TOGARAM1: variants seen among roughly 807,000 people sequenced by gnomAD.
TOGARAM1 encodes TOG array regulator of axonemal microtubules 1, also known as TOG array regulator of axonemal microtubules protein 1.
A neutral mutation model predicts 166.6 loss-of-function variants in TOGARAM1; 100 were observed. That is an observed-to-expected ratio of 0.60 (90% CI 0.51 to 0.71). The LOEUF is 0.71. Among genes scored for constraint, TOGARAM1 ranks in the 30% least tolerant of loss-of-function variants. The probability of loss-of-function intolerance (pLI) is 0.00; values close to 1 mark genes in which losing one functional copy is unlikely to be tolerated. For missense variants in TOGARAM1, 2,029 were observed against 2,102.7 expected (o/e 0.96, Z 0.69); for synonymous variants, 758 against 763.8 (o/e 0.99, Z 0.13).
chr14:44,989,581 A>T (rs1043169577), intron 1 of TOGARAM1, among the ~76,000 whole-genome samples: 8 of 152,002 alleles, frequency 5.3e-5, no homozygotes, highest in African/African-American at 1.7e-4. Context: ...GTCCATTCTC[A>T]TACTACTATA....
chr14:45,030,740 T>C (rs1370251579), intron 10 of TOGARAM1, among the ~76,000 whole-genome samples: 4 of 152,168 alleles, frequency 2.6e-5, no homozygotes, highest in Non-Finnish European at 5.9e-5. Context: ...TTTTGTTAGA[T>C]ATATGATGAA....
intron 1 of TOGARAM1, among the ~76,000 whole-genome samples, chr14:44,966,412 G>A (rs556555855): frequency 2.0e-5 from 3 of 152,106 alleles, no homozygotes; most frequent in African/African-American, 7.2e-5. Flanking sequence ...AGCAGAGGTT[G>A]CAGTGAGCTG....
In TOGARAM1 at chr14:44,964,435, A is replaced by G. The variant is rs943213358; in HGVS notation, c.2014A>G (p.Asn672Asp). The G allele has an allele frequency of 1.3e-6, 2 of 1,598,548 alleles. No individual in the cohort carries two copies. Among genetic ancestry groups the G allele is most frequent in the Non-Finnish European group, 1.7e-6 (2 of 1,171,666 alleles). ...ENEQPGIMGE[N>D]QTSTSKDIEQ... ...TGAGCAACCTGGAATCATGGGAGAAAACCAGACCTCCACTTCCAAGGATAT... is the reference window on the plus strand; with the variant it reads ...TGAGCAACCTGGAATCATGGGAGAAGACCAGACCTCCACTTCCAAGGATAT... Residue 672 changes from asparagine to aspartate, a missense_variant, in exon 1 of 20, where the codon AAC (asparagine) becomes GAC (aspartate). Asn to Asp is a conservative substitution (Grantham distance 23). This residue lies in a region of TOGARAM1 where 1,453 missense variants were observed against 1,432.2 expected (regional missense o/e 1.01). Transcript: ENST00000361462.
intron 3 of TOGARAM1, among the ~76,000 whole-genome samples, chr14:45,003,713 G>T (rs962897347): frequency 1.5e-5 from 2 of 130,814 alleles, no homozygotes; most frequent in East Asian, 5.0e-4. Context: ...TTCTAGAGAG[G>T]ATCATTGTAA....
intron 11 of TOGARAM1, among the ~76,000 whole-genome samples, chr14:45,035,960 AAAAG>A (rs1417468219): frequency 1.3e-5 from 2 of 150,520 alleles, no homozygotes; most frequent in African/African-American, 2.4e-5. Flanking sequence ...AAAAAAAAAA[AAAAG>A]AAAGAAAAAA....
At chr14:44,991,922 A>G (rs954457277) in intron 1 of TOGARAM1, among the ~76,000 whole-genome samples, 2 of 151,580 alleles carry the variant, frequency 1.3e-5, no homozygotes, top group Admixed American at 6.6e-5. Flanking sequence ...ATTTTTTACA[A>G]TAAGCAATTA....
At chr14:45,035,265 C>CAGG (rs957965766) in intron 11 of TOGARAM1, among the ~76,000 whole-genome samples, 1 of 151,850 alleles carries the variant, frequency 6.6e-6, no homozygotes, top group Non-Finnish European at 1.5e-5. Flanking sequence ...GCGACTGGGG[C>CAGG]AGGAGAATCG....
Position 45,051,211 on chromosome 14 carries a change from C to T in TOGARAM1, c.4314-1225C>T, listed in dbSNP as rs182643530. On this transcript the variant is annotated intron_variant, in intron 14 of 19. Transcript: ENST00000361462. ...ATTAACATATCAGTCACAATTTTATCAACTAACCTTGGGTGTATTTTAGGT... is the reference window on the plus strand; with the variant it reads ...ATTAACATATCAGTCACAATTTTATTAACTAACCTTGGGTGTATTTTAGGT... 1.2e-4 allele frequency among the ~76,000 whole-genome samples: 19 copies of T among 152,252 alleles called. No individual in the cohort carries two copies. In the East Asian group the frequency reaches 3.5e-3, roughly 28 times the overall value.
At chr14:45,029,508 AT>A (rs1881040369) in intron 10 of TOGARAM1, among the ~76,000 whole-genome samples, 1 of 152,144 alleles carries the variant, frequency 6.6e-6, no homozygotes, top group Non-Finnish European at 1.5e-5. Context: ...TGCTTACACA[AT>A]TATTATCTTG....
chr14:45,027,584 C>G (rs1281910724), intron 9 of TOGARAM1, 110 bp downstream of exon 9: 2 of 879,116 alleles, frequency 2.3e-6, no homozygotes, highest in Non-Finnish European at 3.2e-6. Context: ...TTTAAAAAAT[C>G]TTAGTACAGT....
At chr14:44,967,848 T>C (rs1222021870) in intron 1 of TOGARAM1, among the ~76,000 whole-genome samples, 3 of 152,228 alleles carry the variant, frequency 2.0e-5, no homozygotes, top group African/African-American at 7.2e-5. Context: ...GTAGATTTTT[T>C]TGGAAATAAT....
intron 1 of TOGARAM1, among the ~76,000 whole-genome samples, chr14:44,994,571 AC>A (rs1164259210): frequency 2.6e-5 from 4 of 152,108 alleles, no homozygotes; most frequent in Non-Finnish European, 5.9e-5. Context: ...GGCACATGCC[AC>A]CATGCCTGGC....
intron 1 of TOGARAM1, among the ~76,000 whole-genome samples, chr14:44,966,772 A>G (rs2138712887): frequency 6.6e-6 from 1 of 152,164 alleles, no homozygotes; most frequent in Admixed American, 6.5e-5. Context: ...TGGGCAACAT[A>G]GTGAGATCCC....
intron 11 of TOGARAM1, among the ~76,000 whole-genome samples, chr14:45,039,317 G>A (rs1881601668): frequency 6.6e-6 from 1 of 152,146 alleles, no homozygotes; most frequent in South Asian, 2.1e-4. Flanking sequence ...GGGCAGGCCT[G>A]GAAAAAGCAC....
At chr14:45,037,245 G>A (rs1881482060) in intron 11 of TOGARAM1, among the ~76,000 whole-genome samples, 1 of 152,240 alleles carries the variant, frequency 6.6e-6, no homozygotes, top group African/African-American at 2.4e-5. Context: ...GTCAGGAGGA[G>A]AATCTCTGCT....
In TOGARAM1 at chr14:44,999,489, A is replaced by C. The variant is rs187083548; in HGVS notation, c.2330A>C (p.Gln777Pro). 2.5e-6 allele frequency: 4 copies of C among 1,603,054 alleles called. No individual in the cohort carries two copies. The African/African-American group carries it at 5.4e-5, about 21-fold the overall frequency. Residue 777 changes from glutamine to proline, a missense_variant, in exon 3 of 20, where the codon CAA becomes CCA. Around this residue, in one of 2 missense-constraint regions of TOGARAM1, gnomAD observed 1,453 missense variants for 1,432.2 expected, o/e 1.01. Coordinates refer to ENST00000361462, the MANE Select transcript of TOGARAM1 (RefSeq NM_001308120.2). ...TTCCTAGGGACAACTAGCAGTCATC[A>C]AGAAAAAGGTATAAGTTCCAAATTT... ...LQFLGTTSSH[Q>P]EKVYASLNFG...
At chr14:45,053,261 G>A (rs1028769574) in intron 15 of TOGARAM1, among the ~76,000 whole-genome samples, 1 of 151,818 alleles carries the variant, frequency 6.6e-6, no homozygotes, top group Non-Finnish European at 1.5e-5. Flanking sequence ...GGCTTGTCTT[G>A]AACTCCTGAC....
intron 6 of TOGARAM1, 188 bp from the exon 7 acceptor site, chr14:45,011,784 TATG>T: frequency 2.3e-6 from 1 of 441,060 alleles, no homozygotes; most frequent in Admixed American, 4.0e-5. Flanking sequence ...GCAAAATATA[TATG>T]TGTGTGTGTG....
chr14:45,006,635 A>G (rs1320335757), intron 5 of TOGARAM1: 1 of 156,492 alleles, frequency 6.4e-6, no homozygotes, highest in African/African-American at 2.4e-5. Context: ...AACATAGCAT[A>G]GTTCTCTCCC....
Sources: gnomAD v4.1 joint callset for allele counts (sites outside exome capture counted in the v4.1 genomes callset) on GRCh38, gnomAD v4.1.1 for gene constraint, gnomAD v4.1.1 regional missense constraint, MANE v1.5 for transcripts, NCBI Gene and HGNC (gene_info 2026-07-23, HGNC 2026-07-21) for gene names.